The following TAS2R1 variants were observed in gnomAD, a reference collection of about 807,000 sequenced individuals.
TAS2R1 encodes the protein taste 2 receptor member 1.
For synonymous variants in TAS2R1, 141 were observed against 134.2 expected (o/e 1.05, Z -0.35); for missense variants, 370 against 353.4 (o/e 1.05, Z -0.38).
At chr5:9,795,860 A>G in the TAS2R1 span, among the ~76,000 whole-genome samples, 1 of 152,170 alleles carries the variant, frequency 6.6e-6, no homozygotes, top group Non-Finnish European at 1.5e-5. Flanking sequence ...GTGTAATTGA[A>G]TATTGTCATT....
the TAS2R1 span, among the ~76,000 whole-genome samples, chr5:9,787,108 C>T: frequency 2.6e-4 from 39 of 152,130 alleles, no homozygotes; most frequent in African/African-American, 9.4e-4. Flanking sequence ...AGAGATGTTG[C>T]GCCATGCATT....
chr5:9,841,993 G>C, the TAS2R1 span, among the ~76,000 whole-genome samples: 4 of 152,226 alleles, frequency 2.6e-5, no homozygotes, highest in Non-Finnish European at 5.9e-5. Context: ...TTCTTTCTTT[G>C]ACCTAGAAGT....
intron 2 of TAS2R1, among the ~76,000 whole-genome samples, chr5:9,652,887 A>G (rs1381240803): frequency 6.6e-6 from 1 of 152,176 alleles, no homozygotes; most frequent in Non-Finnish European, 1.5e-5. Flanking sequence ...TAAAATACAC[A>G]TATCATAAAA....
At chr5:9,684,712 G>C (rs1309539201) in intron 1 of TAS2R1, among the ~76,000 whole-genome samples, 1 of 151,956 alleles carries the variant, frequency 6.6e-6, no homozygotes, top group African/African-American at 2.4e-5. Context: ...TAGAAGACAG[G>C]ATTTTGAATA....
the TAS2R1 span, among the ~76,000 whole-genome samples, chr5:9,757,931 C>T: frequency 6.6e-6 from 1 of 151,432 alleles, no homozygotes; most frequent in Non-Finnish European, 1.5e-5. Flanking sequence ...GAAAAACAAC[C>T]CAAGTAAAAT....
the TAS2R1 span, among the ~76,000 whole-genome samples, chr5:9,777,018 A>G: frequency 1.3e-5 from 2 of 152,216 alleles, no homozygotes; most frequent in Non-Finnish European, 2.9e-5. Flanking sequence ...GCTAACGATC[A>G]TCTGAGCCTT....
At chr5:9,639,220 C>A (rs1284946914) in intron 2 of TAS2R1, among the ~76,000 whole-genome samples, 2 of 152,174 alleles carry the variant, frequency 1.3e-5, no homozygotes, top group Non-Finnish European at 2.9e-5. Context: ...TGGCTGGCTT[C>A]CCCAAGGGAC....
chr5:9,772,335 T>C, the TAS2R1 span, among the ~76,000 whole-genome samples: 2 of 152,164 alleles, frequency 1.3e-5, no homozygotes, highest in Non-Finnish European at 2.9e-5. Context: ...TTGTTATTGA[T>C]TTGTAGCATT....
At chr5:9,650,331 T>TG (rs1022523186) in intron 2 of TAS2R1, among the ~76,000 whole-genome samples, 1 of 151,936 alleles carries the variant, frequency 6.6e-6, no homozygotes, top group Non-Finnish European at 1.5e-5. Flanking sequence ...CCCTGAATGC[T>TG]GGGGAAAAAA....
chr5:9,893,047 T>A, the TAS2R1 span, among the ~76,000 whole-genome samples: 1 of 152,140 alleles, frequency 6.6e-6, no homozygotes, highest in African/African-American at 2.4e-5. Context: ...CAAAACCAAG[T>A]CACTCCAGCT....
intron 1 of TAS2R1, among the ~76,000 whole-genome samples, chr5:9,708,873 G>A (rs1242865900): frequency 6.6e-6 from 1 of 152,120 alleles, no homozygotes; most frequent in Non-Finnish European, 1.5e-5. Flanking sequence ...GGCTCTGTCT[G>A]TTCCCCAACT....
the TAS2R1 span, among the ~76,000 whole-genome samples, chr5:9,753,421 G>T: frequency 6.6e-6 from 1 of 151,668 alleles, no homozygotes; most frequent in Non-Finnish European, 1.5e-5. Context: ...GTAAATTTTT[G>T]AGTTCATTGT....
At chr5:9,901,072 T>C in the TAS2R1 span, among the ~76,000 whole-genome samples, 4 of 151,964 alleles carry the variant, frequency 2.6e-5, no homozygotes, top group African/African-American at 7.3e-5. Flanking sequence ...ACTCAGTAAA[T>C]AGGTACTAGT....
the TAS2R1 span, among the ~76,000 whole-genome samples, chr5:9,824,025 T>C: frequency 1.3e-4 from 20 of 152,174 alleles, no homozygotes; most frequent in African/African-American, 4.3e-4. Flanking sequence ...GCCTGCCTCC[T>C]GAGAACTGAA....
the TAS2R1 span, among the ~76,000 whole-genome samples, chr5:9,794,222 T>C: frequency 6.6e-6 from 1 of 152,274 alleles, no homozygotes; most frequent in Non-Finnish European, 1.5e-5. Context: ...TCTAGACTTG[T>C]GGTTTGAATT....
intron 1 of TAS2R1, among the ~76,000 whole-genome samples, chr5:9,708,837 G>A (rs566079002): frequency 6.6e-6 from 1 of 152,214 alleles, no homozygotes; most frequent in Admixed American, 6.5e-5. Flanking sequence ...GTTGATTGGT[G>A]GCTCAGCAGT....
the TAS2R1 span, among the ~76,000 whole-genome samples, chr5:9,838,757 A>G: frequency 6.6e-6 from 1 of 152,218 alleles, no homozygotes; most frequent in Non-Finnish European, 1.5e-5. Context: ...TTTTAGGAAG[A>G]GAGTAAGATG....
At chr5:9,791,705 G>GA in the TAS2R1 span, among the ~76,000 whole-genome samples, 1 of 152,078 alleles carries the variant, frequency 6.6e-6, no homozygotes. Flanking sequence ...TCTAAAAAAA[G>GA]AAAGAAAAGA....
chr5:9,874,735 A>G, the TAS2R1 span, among the ~76,000 whole-genome samples: 1 of 152,288 alleles, frequency 6.6e-6, no homozygotes, highest in East Asian at 1.9e-4. Flanking sequence ...AGTCCTGGGT[A>G]GAGATGCCAC....
Sources: allele counts gnomAD v4.1 joint callset (sites outside exome capture counted in the v4.1 genomes callset), GRCh38; gene constraint gnomAD v4.1.1; transcripts MANE v1.5; gene names NCBI Gene and HGNC (gene_info 2026-07-23, HGNC 2026-07-21).